Variants in TTC6 observed in about 807,000 individuals in gnomAD.
TTC6 encodes the protein tetratricopeptide repeat protein 6.
Under a neutral mutation model 210.4 loss-of-function variants are expected in TTC6, and 172 were observed. The observed-to-expected ratio is 0.82, with a 90% CI of 0.72 to 0.93. The LOEUF (loss-of-function observed/expected upper bound fraction) is 0.93, where lower values mean the gene tolerates loss of function less well. TTC6 is among the 40% of genes least tolerant of loss of function. The probability of loss-of-function intolerance (pLI) is 0.00; values close to 1 mark genes in which losing one functional copy is unlikely to be tolerated. For synonymous variants in TTC6, 804 were observed against 819.6 expected (o/e 0.98, Z 0.32); for missense variants, 2,414 against 2,318.1 (o/e 1.04, Z -0.85).
chr14:37,824,165 T>A (rs772578770), intron 27 of TTC6, among the ~76,000 whole-genome samples: 1 of 152,142 alleles, frequency 6.6e-6, no homozygotes, highest in Non-Finnish European at 1.5e-5. Flanking sequence ...GGGGAGCTGG[T>A]AGGCTGGTTA....
At chr14:37,826,116 A>G in intron 27 of TTC6, 79 bp from the exon 30 acceptor site, 2 of 1,414,922 alleles carry the variant, frequency 1.4e-6, no homozygotes, top group Non-Finnish European at 9.5e-7. Context: ...TAAAGGTTTT[A>G]TTTGATGGAG....
chr14:37,692,322 C>G (rs1460401415), intron 3 of TTC6, among the ~76,000 whole-genome samples: 1 of 146,108 alleles, frequency 6.8e-6, no homozygotes, highest in African/African-American at 2.5e-5. Context: ...CTGAATTCAA[C>G]AATGCATTAA....
intron 2 of TTC6, among the ~76,000 whole-genome samples, chr14:37,615,291 GTCTT>G (rs1261887597): frequency 9.9e-5 from 15 of 151,952 alleles, no homozygotes; most frequent in African/African-American, 2.9e-4. Flanking sequence ...TTATAAATTT[GTCTT>G]TCTTCAAATT....
At chr14:37,816,833 G>T (rs1467540705) in intron 25 of TTC6, among the ~76,000 whole-genome samples, 1 of 152,106 alleles carries the variant, frequency 6.6e-6, no homozygotes, top group African/African-American at 2.4e-5. Context: ...GTAGGACTTT[G>T]AAAAGCCATG....
chr14:37,636,172 T>G (rs2095680296), intron 1 of TTC6, among the ~76,000 whole-genome samples: 1 of 152,086 alleles, frequency 6.6e-6, no homozygotes. Context: ...AAATTATAGT[T>G]AAAAACGCGT....
At chr14:37,711,473 A>G (rs2095844637) in intron 5 of TTC6, among the ~76,000 whole-genome samples, 1 of 152,180 alleles carries the variant, frequency 6.6e-6, no homozygotes, top group South Asian at 2.1e-4. Context: ...TGCTCTCATC[A>G]TTCTCCATTT....
chr14:37,818,571 G>A (rs1445448459), intron 26 of TTC6, among the ~76,000 whole-genome samples: 4 of 152,054 alleles, frequency 2.6e-5, no homozygotes, highest in African/African-American at 9.7e-5. Context: ...GTGAAACATA[G>A]TTTGAATTAT....
intron 27 of TTC6, among the ~76,000 whole-genome samples, chr14:37,825,449 G>A (rs2096168657): frequency 6.6e-6 from 1 of 152,010 alleles, no homozygotes; most frequent in Admixed American, 6.6e-5. Flanking sequence ...CAGCTTCCGA[G>A]ATCTGGCAAG....
At chr14:37,764,640 C>T (rs2095993269) in intron 14 of TTC6, among the ~76,000 whole-genome samples, 1 of 152,162 alleles carries the variant, frequency 6.6e-6, no homozygotes, top group Non-Finnish European at 1.5e-5. Context: ...CATCCTTTCA[C>T]TTTCAACCGA....
intron 26 of TTC6, among the ~76,000 whole-genome samples, chr14:37,821,884 G>A (rs1017390076): frequency 7.4e-5 from 11 of 147,738 alleles, no homozygotes; most frequent in African/African-American, 1.5e-4. Flanking sequence ...AGTTTCAAGC[G>A]ATTCTCCTGT....
chr14:37,838,210 A>G (rs1231488818), intron 29 of TTC6, among the ~76,000 whole-genome samples: 1 of 152,210 alleles, frequency 6.6e-6, no homozygotes, highest in Non-Finnish European at 1.5e-5. Context: ...AGGATGTCTA[A>G]TCAGCATCTC....
At chr14:37,605,672 T>G in intron 1 of TTC6, among the ~76,000 whole-genome samples, 1 of 152,316 alleles carries the variant, frequency 6.6e-6, no homozygotes, top group South Asian at 2.1e-4. Flanking sequence ...AAAAGGAATG[T>G]CTCTGACCTC....
chr14:37,811,727 T>A (rs2139435295), intron 24 of TTC6, among the ~76,000 whole-genome samples: 1 of 152,332 alleles, frequency 6.6e-6, no homozygotes, highest in Non-Finnish European at 1.5e-5. Flanking sequence ...ATGTGTCTTT[T>A]AAAAAATGAA....
At chr14:37,756,878 A>G (rs1307300285) in intron 14 of TTC6, among the ~76,000 whole-genome samples, 1 of 152,144 alleles carries the variant, frequency 6.6e-6, no homozygotes, top group Non-Finnish European at 1.5e-5. Flanking sequence ...TGAGTTACAG[A>G]GGAGTCCCTC....
intron 20 of TTC6, among the ~76,000 whole-genome samples, chr14:37,801,210 G>A (rs953028290): frequency 3.9e-5 from 6 of 152,172 alleles, no homozygotes; most frequent in African/African-American, 1.4e-4. Flanking sequence ...CAGATGGAGA[G>A]GAATTGTGTC....
intron 1 of TTC6, among the ~76,000 whole-genome samples, chr14:37,603,657 G>A (rs1246093042): frequency 2.0e-5 from 3 of 152,144 alleles, no homozygotes; most frequent in East Asian, 1.9e-4. Context: ...CAATTTCCAA[G>A]CCCAGGCAAA....
rs1308560788 is a variant in TTC6 at position 37,606,760 on chromosome 14, C to A, written c.-155+18C>A. On this transcript the variant is annotated intron_variant, in intron 2 of 2. Transcript: ENST00000556845. ...GAAGTGAGGTATGATGTCTTCAGTT[C>A]TTTCCAGTTCATCCTCATCCTGTAA... The A allele has an allele frequency of 1.8e-5, 18 of 985,172 alleles. No homozygotes were observed. Among genetic ancestry groups the A allele is most frequent in the Middle Eastern group, 5.2e-4 (1 of 1,936 alleles). 61.0% of individuals were successfully genotyped at this position (985,172 alleles called of 1,614,324 possible).
chr14:37,749,270 G>T lies in TTC6; in HGVS notation c.2695G>T (p.Glu899Ter). ...TCCACAAGAGGTCATTAAATATTATGAATCTGAAGTGAAGATTTTGACTGA... is the reference window on the plus strand; with the variant it reads ...TCCACAAGAGGTCATTAAATATTATTAATCTGAAGTGAAGATTTTGACTGA... The change falls in exon 11 of 31, where the codon GAA (glutamate) becomes TAA (stop). Residue 899 changes from glutamate to a stop codon, truncating the protein, a stop_gained. Coordinates refer to ENST00000553443, the Ensembl canonical transcript of TTC6. LOFTEE classifies it high-confidence loss of function. 1 of 1,525,294 alleles carries T rather than the reference G, an allele frequency of 6.6e-7. No individual in the cohort carries two copies. Among genetic ancestry groups the T allele is most frequent in the Non-Finnish European group, 8.8e-7 (1 of 1,141,260 alleles). 94.5% of individuals were successfully genotyped at this position (1,525,294 alleles called of 1,614,324 possible).
In TTC6 at chr14:37,605,547, T is replaced by C. The variant is rs201278139; in HGVS notation, c.-234-1116T>C. Among the ~76,000 whole-genome samples the C allele has an allele frequency of 5.3e-5, 8 of 152,354 alleles. No individual in the cohort carries two copies. The East Asian group carries it at 1.5e-3, about 29-fold the overall frequency. ...TCTGGCTAAATGCAGCTTCTGTTTT[T>C]ACAGCTTACTTGGGAGAGCTGTTAG... On this transcript the variant is annotated intron_variant, in intron 1 of 2. Transcript: ENST00000556845.
Sources: gnomAD v4.1 joint callset for allele counts (sites outside exome capture counted in the v4.1 genomes callset) on GRCh38, gnomAD v4.1.1 for gene constraint, MANE v1.5 for transcripts, NCBI Gene and HGNC (gene_info 2026-07-23, HGNC 2026-07-21) for gene names.